Variants in SNTB1 observed in about 807,000 individuals in gnomAD.
The protein encoded by SNTB1 is beta-1-syntrophin.
A neutral mutation model predicts 48.9 loss-of-function variants in SNTB1; 36 were observed. That is an observed-to-expected ratio of 0.74 (90% CI 0.56 to 0.97). The LOEUF is 0.97. SNTB1 is among the 50% of genes least tolerant of loss of function. The pLI is 0.00. For synonymous variants in SNTB1, 299 were observed against 294.6 expected, an observed-to-expected ratio of 1.01 and a Z score of -0.15; for missense variants, 786 against 703.4, an observed-to-expected ratio of 1.12 and a Z score of -1.33.
At chr8:120,706,350 C>T (rs889367144) in intron 1 of SNTB1, among the ~76,000 whole-genome samples, 5 of 152,176 alleles carry the variant, frequency 3.3e-5, no homozygotes, top group East Asian at 1.9e-4. Context: ...ACCGGATATA[C>T]GAGTTACTGC....
chr8:120,589,676 G>A (rs1158559022), intron 3 of SNTB1, among the ~76,000 whole-genome samples: 3 of 152,128 alleles, frequency 2.0e-5, no homozygotes, highest in Non-Finnish European at 4.4e-5. Context: ...TATGGTGGAA[G>A]GAGCTAGCTA....
chr8:120,674,374 A>G (rs1005719262), intron 2 of SNTB1, among the ~76,000 whole-genome samples: 12 of 152,240 alleles, frequency 7.9e-5, no homozygotes, highest in Non-Finnish European at 1.8e-4. Context: ...TGGGAGATGG[A>G]ATGAAGAGCA....
At chr8:120,738,863 GC>G (rs1261044920) in intron 1 of SNTB1, among the ~76,000 whole-genome samples, 1 of 152,026 alleles carries the variant, frequency 6.6e-6, no homozygotes, top group Admixed American at 6.5e-5. Context: ...CATACACATG[GC>G]AGCCTCAAGA....
At chr8:120,640,402 G>C (rs199769321) in intron 2 of SNTB1, among the ~76,000 whole-genome samples, 11 of 152,116 alleles carry the variant, frequency 7.2e-5, no homozygotes, top group East Asian at 5.8e-4. Context: ...CTGGCCAGAA[G>C]TTCCAACACT....
At chr8:120,617,290 T>C (rs1816729592) in intron 3 of SNTB1, among the ~76,000 whole-genome samples, 1 of 152,054 alleles carries the variant, frequency 6.6e-6, no homozygotes, top group Admixed American at 6.5e-5. Context: ...CCCAAGCAAA[T>C]ATTTAATTTT....
chr8:120,588,830 C>T (rs535905498), intron 3 of SNTB1, among the ~76,000 whole-genome samples: 1 of 152,164 alleles, frequency 6.6e-6, no homozygotes, highest in East Asian at 1.9e-4. Context: ...AATTCAGAAG[C>T]CTGCTCCTCC....
At chr8:120,691,902 G>C (rs1818134410) in intron 2 of SNTB1, among the ~76,000 whole-genome samples, 2 of 152,102 alleles carry the variant, frequency 1.3e-5, no homozygotes, top group African/African-American at 2.4e-5. Context: ...TTGGGAGATG[G>C]GACTTGTTTG....
rs144581071 is a variant in SNTB1 at position 120,690,110 on chromosome 8, G to A, written c.788+3582C>T. On this transcript the variant is annotated intron_variant, in intron 2 of 6. Transcript: ENST00000517992. ...AATAAAATATTTTGAGAGACAGAGA[G>A]ACCATATTCATATAACTTTTATTAC... 2.7e-3 allele frequency among the ~76,000 whole-genome samples: 405 copies of A among 152,082 alleles called. 2 individuals are homozygous for A. Among genetic ancestry groups the A allele is most frequent in the Non-Finnish European group, 4.2e-3 (286 of 67,974 alleles).
intron 3 of SNTB1, among the ~76,000 whole-genome samples, chr8:120,606,142 T>C (rs990920792): frequency 2.0e-5 from 3 of 149,918 alleles, no homozygotes. Context: ...TAATAGCTAT[T>C]ACCCTAAAAT....
At chr8:120,560,484 A>AAATAAATAAATAAAT (rs532073364) in intron 4 of SNTB1, among the ~76,000 whole-genome samples, 1 of 152,128 alleles carries the variant, frequency 6.6e-6, no homozygotes, top group African/African-American at 2.4e-5. Flanking sequence ...CTTCGTCTCA[A>AAATAAATAAATAAAT]AATAAATAAA....
chr8:120,698,457 C>A (rs760958345), intron 1 of SNTB1, among the ~76,000 whole-genome samples: 28 of 152,102 alleles, frequency 1.8e-4, no homozygotes, highest in Non-Finnish European at 3.4e-4. Context: ...AACATCCACA[C>A]ATCCGTTCTT....
chr8:120,682,048 T>C (rs1278268482), intron 2 of SNTB1, among the ~76,000 whole-genome samples: 1 of 150,284 alleles, frequency 6.7e-6, no homozygotes, highest in African/African-American at 2.5e-5. Flanking sequence ...AGCTAAAATA[T>C]GACAGGTAAA....
chr8:120,565,773 G>A (rs1815738141), intron 4 of SNTB1, among the ~76,000 whole-genome samples: 2 of 152,196 alleles, frequency 1.3e-5, no homozygotes, highest in South Asian at 2.1e-4. Flanking sequence ...CACCCACCAT[G>A]CTGTGGTTTG....
At chr8:120,640,745 G>T (rs1222186645) in intron 2 of SNTB1, among the ~76,000 whole-genome samples, 3 of 152,166 alleles carry the variant, frequency 2.0e-5, no homozygotes, top group Admixed American at 1.3e-4. Context: ...GATCATGGTG[G>T]ATAAAATTTT....
At chr8:120,634,061 C>T (rs1817027434) in intron 2 of SNTB1, among the ~76,000 whole-genome samples, 1 of 152,144 alleles carries the variant, frequency 6.6e-6, no homozygotes, top group African/African-American at 2.4e-5. Context: ...TGTTCCCCCA[C>T]ACCCACCACT....
At chr8:120,736,268 C>T (rs1041751145) in intron 1 of SNTB1, among the ~76,000 whole-genome samples, 5 of 152,084 alleles carry the variant, frequency 3.3e-5, no homozygotes, top group South Asian at 2.1e-4. Context: ...ATTCAAGATG[C>T]GATTTGGGTG....
chr8:120,552,569 G>A (rs1815499012), intron 4 of SNTB1, among the ~76,000 whole-genome samples: 2 of 152,130 alleles, frequency 1.3e-5, no homozygotes, highest in African/African-American at 4.8e-5. Flanking sequence ...TGTTGGCCAG[G>A]CTGGTCTTGA....
chr8:120,566,461 C>G (rs1416219114), intron 4 of SNTB1, among the ~76,000 whole-genome samples: 1 of 151,784 alleles, frequency 6.6e-6, no homozygotes, highest in East Asian at 1.9e-4. Context: ...CTTCACCAGA[C>G]AGCAAATCTG....
intron 3 of SNTB1, among the ~76,000 whole-genome samples, chr8:120,586,451 T>C (rs1816141989): frequency 6.6e-6 from 1 of 152,080 alleles, no homozygotes; most frequent in Non-Finnish European, 1.5e-5. Flanking sequence ...TGCTTCCGGG[T>C]CCCCCACATT....
Sources: allele counts gnomAD v4.1 joint callset (sites outside exome capture counted in the v4.1 genomes callset), GRCh38; gene constraint gnomAD v4.1.1; transcripts MANE v1.5; gene names NCBI Gene and HGNC (gene_info 2026-07-23, HGNC 2026-07-21).